The following KDM6A variants were observed in gnomAD, a reference collection of about 807,000 sequenced individuals.
KDM6A encodes the protein lysine-specific demethylase 6A.
KDM6A carries 11 observed loss-of-function variants against 117.6 expected under a neutral mutation model. The ratio of observed to expected loss-of-function variants is 0.09; its 90% confidence interval spans 0.06 to 0.15. The LOEUF is 0.15. KDM6A is among the 10% of genes least tolerant of loss of function. The pLI is 1.00. For missense variants in KDM6A, 799 were observed against 1,077.3 expected (o/e 0.74, Z 3.62); for synonymous variants, 384 against 396.1 (o/e 0.97, Z 0.36).
rs1170451815 is a variant in KDM6A at position 45,061,426 on chromosome X, A to G, written c.1581+7A>G. 2.0e-6 allele frequency: 2 copies of G among 1,018,537 alleles called. No homozygotes were observed. The highest frequency in any genetic ancestry group is 1.9e-5 in the African/African-American group (1 of 53,395). 83.9% of individuals were successfully genotyped at this position (1,018,537 alleles called of 1,213,427 possible). On this transcript the variant is annotated splice_region_variant and intron_variant, in intron 15 of 29. Coordinates refer to ENST00000611820, the MANE Select transcript of KDM6A (RefSeq NM_001291415.2). ...GACACCACAGAAATTACAGGTATGT[A>G]AGATGTTTTTGACAAATTGTTTATT...
In KDM6A at chrX:45,070,207, T is replaced by C. The variant is rs758657060; in HGVS notation, c.2708T>C (p.Leu903Pro). 8.3e-7 allele frequency: 1 copy of C among 1,211,183 alleles called. No homozygotes were observed. Among genetic ancestry groups the C allele is most frequent in the Middle Eastern group, 2.3e-4 (1 of 4,353 alleles). Residue 903 changes from leucine to proline, a missense_variant, in exon 18 of 30, where the codon CTA becomes CCA. Transcript: ENST00000611820. Reference sequence around the variant, plus strand: ...AGCCTTAACAGCCCTCACAGTGGGCTACACACAATTAATGGAGAAGGGATG... The same window carrying C: ...AGCCTTAACAGCCCTCACAGTGGGCCACACACAATTAATGGAGAAGGGATG... ...VTSLNSPHSG[L>P]HTINGEGMEE...
chrX:45,043,348 A>C (rs1463467056), intron 8 of KDM6A, among the ~76,000 whole-genome samples: 5 of 111,932 alleles, frequency 4.5e-5, no homozygotes, highest in African/African-American at 1.6e-4. Context: ...AGGATTAAAA[A>C]AATTTTTTTG....
chrX:44,876,417 G>A (rs891998293), intron 2 of KDM6A, among the ~76,000 whole-genome samples: 5 of 111,260 alleles, frequency 4.5e-5, no homozygotes, highest in African/African-American at 6.5e-5. Context: ...AACAGTCCTC[G>A]AAGCAGTATT....
intron 2 of KDM6A, among the ~76,000 whole-genome samples, chrX:44,897,456 G>A (rs948884014): frequency 3.6e-5 from 4 of 110,921 alleles, no homozygotes; most frequent in Non-Finnish European, 7.5e-5. Context: ...TGTGTCTGTT[G>A]ATTGTTTCTC....
intron 3 of KDM6A, among the ~76,000 whole-genome samples, chrX:44,973,386 T>G (rs57872773): frequency 0.038 from 4,242 of 111,633 alleles, 213 homozygotes; most frequent in African/African-American, 0.13. Flanking sequence ...TTGTATATAC[T>G]CTCCTTTAAG....
Position 45,111,434 on chromosome X carries a change from G to A in KDM6A, c.*23G>A, listed in dbSNP as rs368788471. The A allele has an allele frequency of 7.7e-6, 9 of 1,162,598 alleles. No individual in the cohort carries two copies. In the African/African-American group the frequency reaches 1.4e-4, roughly 19 times the overall value. ...TGATATTGTTCCATGGACATTAAAT[G>A]AGACCTTTTCTGCTATTCAGGAAAT... On this transcript the variant is annotated 3_prime_UTR_variant, in exon 30 of 30. Coordinates refer to ENST00000611820, the MANE Select transcript of KDM6A (RefSeq NM_001291415.2).
chrX:45,014,135 T>C (rs1028203406), intron 5 of KDM6A, among the ~76,000 whole-genome samples: 4 of 112,087 alleles, frequency 3.6e-5, no homozygotes, highest in African/African-American at 1.3e-4. Context: ...TAATTGTGTC[T>C]GTTGGCATTT....
At position 45,039,682 on chromosome X, in the gene KDM6A, G is replaced by A. The variant is rs1469522303; in HGVS notation, c.654+1993G>A. Reference sequence around the variant, plus strand: ...GCCTTCCGCAGTGTTTGTGTCCCTGGGTACTTAAGATTAGGGAGTGGTGAT... The same window carrying A: ...GCCTTCCGCAGTGTTTGTGTCCCTGAGTACTTAAGATTAGGGAGTGGTGAT... On this transcript the variant is annotated intron_variant, in intron 8 of 29. Transcript: ENST00000611820. Among the ~76,000 whole-genome samples, 373 of 75,196 alleles carry A rather than the reference G, an allele frequency of 5.0e-3. 2 individuals carry two copies. The highest frequency in any genetic ancestry group is 0.017 in the African/African-American group (346 of 20,319). 65.3% of individuals were successfully genotyped at this position (75,196 alleles called of 115,157 possible).
chrX:44,942,073 G>A (rs1224741915), intron 2 of KDM6A, among the ~76,000 whole-genome samples: 1 of 106,927 alleles, frequency 9.4e-6, no homozygotes, highest in Non-Finnish European at 1.9e-5. Context: ...TCACTCTGTC[G>A]CCCAGGCTGG....
intron 17 of KDM6A, among the ~76,000 whole-genome samples, chrX:45,067,599 C>T (rs1444978774): frequency 9.3e-6 from 1 of 107,548 alleles, no homozygotes; most frequent in Non-Finnish European, 1.9e-5. Flanking sequence ...CTTATTAAAT[C>T]ATTTACAACT....
chrX:45,067,988 G>A (rs769273930), intron 17 of KDM6A, among the ~76,000 whole-genome samples: 6 of 111,232 alleles, frequency 5.4e-5, no homozygotes, highest in Non-Finnish European at 9.4e-5. Flanking sequence ...AGTGTTTTAG[G>A]TAGATAAGCC....
In KDM6A at chrX:44,873,369, T is replaced by C. The variant is rs1601992641; in HGVS notation, c.-183T>C. The C allele has an allele frequency of 3.5e-6, 2 of 569,235 alleles. No homozygotes were observed. The highest frequency in any genetic ancestry group is 5.2e-6 in the Non-Finnish European group (2 of 385,425). 46.9% of individuals were successfully genotyped at this position (569,235 alleles called of 1,213,427 possible). ...GCCGACCCGGGGGCTCCGCAGCCCC[T>C]GCCGCCGCCGCCGCCGCCTTCACCG... On this transcript the variant is annotated 5_prime_UTR_variant, in exon 1 of 30. Transcript: ENST00000611820.
intron 8 of KDM6A, among the ~76,000 whole-genome samples, chrX:45,040,685 A>T (rs1199725736): frequency 1.5e-4 from 5 of 32,604 alleles, no homozygotes; most frequent in Admixed American, 3.3e-4. Context: ...GACCCCCCCC[A>T]CCTCCCTCCC....
At chrX:44,972,013 G>T (rs970715231) in intron 3 of KDM6A, among the ~76,000 whole-genome samples, 1 of 110,321 alleles carries the variant, frequency 9.1e-6, no homozygotes, top group South Asian at 3.9e-4. Flanking sequence ...CAGGGGTTTG[G>T]GGGGAGTGTT....
intron 2 of KDM6A, among the ~76,000 whole-genome samples, chrX:44,935,862 CATGCCAGCAGAGCA>C (rs1165488426): frequency 8.9e-6 from 1 of 111,849 alleles, no homozygotes; most frequent in Non-Finnish European, 1.9e-5. Context: ...CAGGAAACAG[CATGCCAGCAGAGCA>C]ATGCCTTGCT....
chrX:44,997,492 C>A (rs777384459), intron 4 of KDM6A, among the ~76,000 whole-genome samples: 1 of 111,811 alleles, frequency 8.9e-6, no homozygotes, highest in Non-Finnish European at 1.9e-5. Flanking sequence ...ATGTGTTCCT[C>A]TCGCCATCTA....
chrX:45,068,052 G>A (rs763630399), intron 17 of KDM6A, among the ~76,000 whole-genome samples: 39 of 111,061 alleles, frequency 3.5e-4, no homozygotes, highest in Admixed American at 1.4e-3. Flanking sequence ...TGATTTTAGG[G>A]GCATGCTAGC....
intron 3 of KDM6A, among the ~76,000 whole-genome samples, chrX:44,961,783 A>T (rs2038684023): frequency 8.9e-6 from 1 of 112,548 alleles, no homozygotes; most frequent in Non-Finnish European, 1.9e-5. Flanking sequence ...TGAAAATCTG[A>T]TCGTTAAGTA....
chrX:45,097,835 C>T (rs2046176619), intron 27 of KDM6A, among the ~76,000 whole-genome samples: 1 of 112,033 alleles, frequency 8.9e-6, no homozygotes, highest in Non-Finnish European at 1.9e-5. Context: ...CTTCAAATTT[C>T]TACAACCTAG....
Sources: allele counts gnomAD v4.1 joint callset (sites outside exome capture counted in the v4.1 genomes callset), GRCh38; gene constraint gnomAD v4.1.1; transcripts MANE v1.5; gene names NCBI Gene and HGNC (gene_info 2026-07-23, HGNC 2026-07-21).